The following ZNF521 variants were observed in gnomAD, a reference collection of about 807,000 sequenced individuals.
The protein encoded by ZNF521 is LYST-interacting protein 3.
ZNF521 carries 14 observed loss-of-function variants against 105.5 expected under a neutral mutation model. The ratio of observed to expected loss-of-function variants is 0.13; its 90% confidence interval spans 0.09 to 0.21. The LOEUF (loss-of-function observed/expected upper bound fraction) is 0.21, where lower values mean the gene tolerates loss of function less well. Ranked by LOEUF, ZNF521 falls within the 10% of genes least tolerant of loss-of-function variation. The pLI is 1.00. For synonymous variants in ZNF521, 635 were observed against 606.0 expected (o/e 1.05, Z -0.70); for missense variants, 1,233 against 1,629.7 (o/e 0.76, Z 4.19).
intron 7 of ZNF521, among the ~76,000 whole-genome samples, chr18:25,083,983 C>T (rs1236460430): frequency 7.8e-6 from 1 of 128,274 alleles, no homozygotes; most frequent in Non-Finnish European, 1.6e-5. Flanking sequence ...AGGCTTTCAC[C>T]ATGTTGTCCA....
intron 3 of ZNF521, among the ~76,000 whole-genome samples, chr18:25,240,121 G>A (rs542235030): frequency 8.6e-4 from 131 of 152,206 alleles, no homozygotes; most frequent in African/African-American, 2.5e-3. Context: ...TCTGCACTCC[G>A]TTTTGAAATA....
chr18:25,093,464 A>G (rs1015654125), intron 5 of ZNF521, among the ~76,000 whole-genome samples: 1 of 152,248 alleles, frequency 6.6e-6, no homozygotes, highest in Non-Finnish European at 1.5e-5. Flanking sequence ...TTTCATTCAA[A>G]GACAACATGC....
intron 5 of ZNF521, among the ~76,000 whole-genome samples, chr18:25,138,534 C>A (rs1015980431): frequency 6.6e-6 from 1 of 151,670 alleles, no homozygotes; most frequent in East Asian, 1.9e-4. Flanking sequence ...GTGGGGAGGA[C>A]AGAGCTCAGG....
chr18:25,062,422 C>CT lies in ZNF521; in HGVS notation c.*289dup, dbSNP rs60907023. ...TATCTTAAGCCATTTTGGTCATAGT[C>CT]TTTTTTTTTTTTTAATCTTGCCTGA... On this transcript the variant is annotated 3_prime_UTR_variant, in exon 8 of 8. Transcript: ENST00000361524. 4,883 of 301,832 alleles carry CT rather than the reference C, an allele frequency of 0.016. 6 individuals carry two copies. The highest frequency in any genetic ancestry group is 0.019 in the East Asian group (335 of 17,900). 18.7% of individuals were successfully genotyped at this position (301,832 alleles called of 1,614,324 possible).
At chr18:25,308,126 C>G (rs746391200) in intron 3 of ZNF521, among the ~76,000 whole-genome samples, 3 of 147,056 alleles carry the variant, frequency 2.0e-5, no homozygotes, top group Admixed American at 1.4e-4. Context: ...CACTTGAACC[C>G]GGCAGGCGGA....
intron 3 of ZNF521, among the ~76,000 whole-genome samples, chr18:25,237,378 TG>T (rs1906975873): frequency 6.6e-6 from 1 of 152,174 alleles, no homozygotes; most frequent in Non-Finnish European, 1.5e-5. Flanking sequence ...GAAGACTTTA[TG>T]ACGCTACTTT....
chr18:25,319,290 T>C (rs957805849), intron 3 of ZNF521, among the ~76,000 whole-genome samples: 1 of 152,104 alleles, frequency 6.6e-6, no homozygotes, highest in Non-Finnish European at 1.5e-5. Flanking sequence ...GAACTTGCAA[T>C]AGACATAAAA....
intron 3 of ZNF521, among the ~76,000 whole-genome samples, chr18:25,267,108 T>C (rs570889320): frequency 1.5e-4 from 23 of 152,230 alleles, no homozygotes; most frequent in African/African-American, 4.8e-4. Context: ...CGTCCGCCAT[T>C]GCTGAGGCTT....
intron 7 of ZNF521, among the ~76,000 whole-genome samples, chr18:25,068,793 C>G (rs972185123): frequency 1.3e-5 from 2 of 152,190 alleles, no homozygotes; most frequent in African/African-American, 4.8e-5. Context: ...ATGAGTCTGG[C>G]TGGCTCCTTC....
chr18:25,188,654 C>T (rs74906443), intron 5 of ZNF521, among the ~76,000 whole-genome samples: 3 of 152,276 alleles, frequency 2.0e-5, no homozygotes, highest in African/African-American at 4.8e-5. Flanking sequence ...TACATTCTAC[C>T]GGAAGTCAAA....
chr18:25,118,381 A>G (rs943323948), intron 5 of ZNF521, among the ~76,000 whole-genome samples: 2 of 152,032 alleles, frequency 1.3e-5, no homozygotes, highest in African/African-American at 2.4e-5. Flanking sequence ...TCTAGTATAC[A>G]TTAAATAATT....
At chr18:25,343,167 TATC>T (rs1914303672) in intron 2 of ZNF521, among the ~76,000 whole-genome samples, 1 of 152,226 alleles carries the variant, frequency 6.6e-6, no homozygotes, top group Non-Finnish European at 1.5e-5. Flanking sequence ...CATCTTGACA[TATC>T]ATATCCTTCA....
intron 2 of ZNF521, among the ~76,000 whole-genome samples, chr18:25,348,497 G>C (rs1413839196): frequency 3.3e-5 from 5 of 152,122 alleles, no homozygotes; most frequent in African/African-American, 4.8e-5. Context: ...TCTTCAGTGA[G>C]GACTGTACTA....
intron 5 of ZNF521, among the ~76,000 whole-genome samples, chr18:25,165,299 C>T (rs945127081): frequency 6.6e-6 from 1 of 152,172 alleles, no homozygotes; most frequent in East Asian, 1.9e-4. Flanking sequence ...CTCTTGTCTT[C>T]ACCTTCAAAT....
chr18:25,126,972 G>C lies in ZNF521; in HGVS notation c.3659-34891C>G, dbSNP rs537119529. On this transcript the variant is annotated intron_variant, in intron 5 of 7. Transcript: ENST00000361524. ...CAAGTGACTCATAAGGTCTGTGCCAGATCTAAAAACATCATGGGTTTGTAT... is the reference window on the plus strand; with the variant it reads ...CAAGTGACTCATAAGGTCTGTGCCACATCTAAAAACATCATGGGTTTGTAT... Among the ~76,000 whole-genome samples, 10 of 152,188 alleles carry C rather than the reference G, an allele frequency of 6.6e-5. No homozygotes were observed. The South Asian group carries it at 2.1e-3, about 32-fold the overall frequency.
chr18:25,096,242 A>G (rs1435719963), intron 5 of ZNF521, among the ~76,000 whole-genome samples: 1 of 152,172 alleles, frequency 6.6e-6, no homozygotes, highest in East Asian at 1.9e-4. Context: ...TTGGACTACA[A>G]CCTCACTGAC....
intron 5 of ZNF521, among the ~76,000 whole-genome samples, chr18:25,184,285 G>A (rs2035683218): frequency 6.6e-6 from 1 of 152,038 alleles, no homozygotes; most frequent in African/African-American, 2.4e-5. Context: ...ACCTGTTACA[G>A]TAGATAGAAA....
At chr18:25,277,556 A>T (rs1032082413) in intron 3 of ZNF521, among the ~76,000 whole-genome samples, 2 of 152,236 alleles carry the variant, frequency 1.3e-5, no homozygotes, top group Admixed American at 6.5e-5. Context: ...CAGAAACCTG[A>T]GTGCCAAAGG....
At chr18:25,129,697 G>A (rs897102129) in intron 5 of ZNF521, among the ~76,000 whole-genome samples, 7 of 151,930 alleles carry the variant, frequency 4.6e-5, no homozygotes, top group Admixed American at 1.3e-4. Context: ...ACACTTCACC[G>A]AAGAAGATAC....
Sources: gnomAD v4.1 joint callset for allele counts (sites outside exome capture counted in the v4.1 genomes callset) on GRCh38, gnomAD v4.1.1 for gene constraint, MANE v1.5 for transcripts, NCBI Gene and HGNC (gene_info 2026-07-23, HGNC 2026-07-21) for gene names.